The following TNIK variants were observed in gnomAD, a reference collection of about 807,000 sequenced individuals.
TNIK encodes TRAF2 and NCK-interacting protein kinase.
TNIK carries 49 observed loss-of-function variants against 191.3 expected under a neutral mutation model. The ratio of observed to expected loss-of-function variants is 0.26; its 90% CI spans 0.20 to 0.32. The LOEUF (loss-of-function observed/expected upper bound fraction) is 0.32. Among genes scored for constraint, TNIK ranks in the 10% least tolerant of loss-of-function variants. TNIK has a pLI of 1.00. For synonymous variants in TNIK, 594 were observed against 600.9 expected (o/e 0.99, Z 0.17); for missense variants, 1,155 against 1,702.3 (o/e 0.68, Z 5.66).
intron 18 of TNIK, among the ~76,000 whole-genome samples, chr3:171,114,180 A>G (rs1347590915): frequency 6.6e-6 from 1 of 152,202 alleles, no homozygotes; most frequent in Non-Finnish European, 1.5e-5. Flanking sequence ...GATGCTGAGA[A>G]GAGAAACATC....
chr3:171,190,670 C>A, intron 6 of TNIK, 27 bp downstream of exon 6: 1 of 1,544,730 alleles, frequency 6.5e-7, no homozygotes, highest in Non-Finnish European at 8.8e-7. Context: ...TCCTGCAATT[C>A]CAAGGCTCAC....
chr3:171,385,828 G>A (rs906810572), intron 1 of TNIK, among the ~76,000 whole-genome samples: 32 of 152,136 alleles, frequency 2.1e-4, no homozygotes, highest in African/African-American at 6.3e-4. Context: ...TCAGGATTCC[G>A]TAAGCATTTC....
At chr3:171,407,253 G>A (rs116719140) in intron 1 of TNIK, among the ~76,000 whole-genome samples, 270 of 152,240 alleles carry the variant, frequency 1.8e-3, no homozygotes, top group African/African-American at 6.0e-3. Context: ...GGGGAAGGTG[G>A]GCACAAGAGA....
At chr3:171,312,598 T>C (rs1314756559) in intron 2 of TNIK, among the ~76,000 whole-genome samples, 5 of 152,188 alleles carry the variant, frequency 3.3e-5, no homozygotes, top group African/African-American at 1.2e-4. Context: ...GAATTGTTTG[T>C]GCCAGAAGTT....
At chr3:171,091,887 T>G (rs1315632492) in intron 23 of TNIK, among the ~76,000 whole-genome samples, 2 of 152,204 alleles carry the variant, frequency 1.3e-5, no homozygotes, top group East Asian at 3.9e-4. Flanking sequence ...AAAAATATTT[T>G]GGGTTCCTTA....
At chr3:171,232,821 C>T (rs550525803) in intron 2 of TNIK, among the ~76,000 whole-genome samples, 63 of 152,284 alleles carry the variant, frequency 4.1e-4, no homozygotes, top group Non-Finnish European at 7.3e-4. Context: ...AATTCAACAT[C>T]GAGGTGAAAT....
chr3:171,350,055 G>A (rs1421026367), intron 2 of TNIK, among the ~76,000 whole-genome samples: 1 of 148,648 alleles, frequency 6.7e-6, no homozygotes, highest in African/African-American at 2.5e-5. Context: ...GAACAAACAA[G>A]ACATAAAATA....
intron 2 of TNIK, among the ~76,000 whole-genome samples, chr3:171,303,957 G>A (rs999423906): frequency 6.6e-6 from 1 of 151,038 alleles, no homozygotes; most frequent in Non-Finnish European, 1.5e-5. Flanking sequence ...GTGCAGAGGC[G>A]CTGAAGAACA....
intron 8 of TNIK, among the ~76,000 whole-genome samples, chr3:171,176,534 G>A (rs1332574312): frequency 6.6e-6 from 1 of 152,166 alleles, no homozygotes; most frequent in African/African-American, 2.4e-5. Context: ...GAAGGAGAGA[G>A]GGAGAAAAGG....
intron 2 of TNIK, among the ~76,000 whole-genome samples, chr3:171,265,656 G>A (rs766122190): frequency 4.6e-5 from 7 of 152,194 alleles, no homozygotes; most frequent in Non-Finnish European, 8.8e-5. Flanking sequence ...GCAAGGGAAT[G>A]GTAATTAAAA....
intron 5 of TNIK, among the ~76,000 whole-genome samples, chr3:171,191,182 T>A (rs1206051326): frequency 6.6e-6 from 1 of 152,210 alleles, no homozygotes; most frequent in African/African-American, 2.4e-5. Context: ...CTAACCTGAT[T>A]TAACTGAATC....
At chr3:171,110,314 T>C (rs1725651293) in intron 19 of TNIK, among the ~76,000 whole-genome samples, 1 of 152,256 alleles carries the variant, frequency 6.6e-6, no homozygotes, top group Non-Finnish European at 1.5e-5. Context: ...GAACTGTGTA[T>C]ATGAACTATG....
intron 30 of TNIK, among the ~76,000 whole-genome samples, chr3:171,067,685 A>G (rs2108308673): frequency 6.6e-6 from 1 of 152,186 alleles, no homozygotes; most frequent in African/African-American, 2.4e-5. Flanking sequence ...AAAAAAAAAA[A>G]AAAAAATCAC....
chr3:171,411,754 T>C (rs1722457438), intron 1 of TNIK, among the ~76,000 whole-genome samples: 2 of 152,214 alleles, frequency 1.3e-5, no homozygotes, highest in Non-Finnish European at 2.9e-5. Flanking sequence ...CATATAAAAC[T>C]GCTCATTAAA....
chr3:171,218,554 A>G (rs1461583996), intron 3 of TNIK, among the ~76,000 whole-genome samples: 3 of 151,294 alleles, frequency 2.0e-5, no homozygotes, highest in Non-Finnish European at 2.9e-5. Context: ...TGATAGTATA[A>G]ACAGTGTACT....
At chr3:171,103,392 G>A (rs557357558) in intron 21 of TNIK, among the ~76,000 whole-genome samples, 83 of 152,184 alleles carry the variant, frequency 5.5e-4, no homozygotes, top group African/African-American at 1.9e-3. Context: ...AATAGGAAAA[G>A]CTAATATCTG....
chr3:171,289,099 A>C (rs1217870208), intron 2 of TNIK, among the ~76,000 whole-genome samples: 2 of 152,166 alleles, frequency 1.3e-5, no homozygotes, highest in South Asian at 2.1e-4. Flanking sequence ...AAGAGGCATA[A>C]GGGAAGCTTC....
intron 12 of TNIK, among the ~76,000 whole-genome samples, chr3:171,154,260 A>C (rs1576982212): frequency 1.2e-4 from 1 of 8,460 alleles, no homozygotes; most frequent in Non-Finnish European, 2.0e-4. Context: ...ATATCTCTTC[A>C]AAAAAAAAAA....
chr3:171,085,563 A>G (rs1037678828), intron 24 of TNIK, among the ~76,000 whole-genome samples: 2 of 152,226 alleles, frequency 1.3e-5, no homozygotes, highest in African/African-American at 4.8e-5. Context: ...GCAACCTCCT[A>G]TATTGACTAC....
Sources: allele counts gnomAD v4.1 joint callset (sites outside exome capture counted in the v4.1 genomes callset), GRCh38; gene constraint gnomAD v4.1.1; transcripts MANE v1.5; gene names NCBI Gene and HGNC (gene_info 2026-07-23, HGNC 2026-07-21).